LRP1B: variants seen among roughly 807,000 people sequenced by gnomAD.
LRP1B encodes the protein LDL receptor related protein 1B.
Under a neutral mutation model 556.6 loss-of-function variants are expected in LRP1B, and 217 were observed. That is an observed-to-expected ratio of 0.39 (90% CI 0.35 to 0.44). The LOEUF is 0.44. Among genes scored for constraint, LRP1B ranks in the 20% least tolerant of loss-of-function variants. The pLI is 1.00. For synonymous variants in LRP1B, 2,047 were observed against 1,865.8 expected (o/e 1.10, Z -2.50); for missense variants, 5,053 against 5,620.8 (o/e 0.90, Z 3.23).
intron 6 of LRP1B, among the ~76,000 whole-genome samples, chr2:141,196,280 A>G (rs1028197712): frequency 6.6e-6 from 1 of 152,088 alleles, no homozygotes; most frequent in South Asian, 2.1e-4. Context: ...TGGCTACGTC[A>G]AGTGCATTTA....
At chr2:140,643,203 G>C (rs957939476) in intron 41 of LRP1B, among the ~76,000 whole-genome samples, 2 of 151,702 alleles carry the variant, frequency 1.3e-5, no homozygotes, top group Admixed American at 1.3e-4. Context: ...TACCCAGGAC[G>C]CCTTTCCTTA....
At chr2:140,705,196 A>C (rs1338682935) in intron 37 of LRP1B, among the ~76,000 whole-genome samples, 1 of 152,098 alleles carries the variant, frequency 6.6e-6, no homozygotes, top group Non-Finnish European at 1.5e-5. Flanking sequence ...TTCCTTAGCT[A>C]TAAGATGCGT....
chr2:140,547,711 C>A (rs528726051), intron 43 of LRP1B, among the ~76,000 whole-genome samples: 1 of 151,970 alleles, frequency 6.6e-6, no homozygotes, highest in Non-Finnish European at 1.5e-5. Context: ...CTGTGGCATA[C>A]TTAGAATGAA....
At chr2:140,950,735 A>G (rs1573914027) in intron 19 of LRP1B, among the ~76,000 whole-genome samples, 2 of 149,422 alleles carry the variant, frequency 1.3e-5, no homozygotes, top group African/African-American at 2.5e-5. Context: ...CAAGCAATCC[A>G]CCCTCCTCGG....
rs1553482842 is a variant in LRP1B at position 141,905,762 on chromosome 2, TAG to T, written c.83-95363_83-95362del. Reference sequence around the variant, plus strand: ...AGGGAGAAAATGGATCTGGTTTGAATAGATGTGTGTGTGTGTGTGTGTGTGTG... The same window carrying T: ...AGGGAGAAAATGGATCTGGTTTGAATATGTGTGTGTGTGTGTGTGTGTGTG... On this transcript the variant is annotated intron_variant, in intron 1 of 90. Transcript: ENST00000389484. Among the ~76,000 whole-genome samples the T allele has an allele frequency of 5.4e-3, 661 of 121,458 alleles. 8 individuals carry two copies. Among genetic ancestry groups the T allele is most frequent in the African/African-American group, 8.9e-3 (310 of 34,892 alleles). 79.7% of individuals were successfully genotyped at this position (121,458 alleles called of 152,430 possible). A position where few individuals can be genotyped will look rare whatever the true frequency, so the allele number is the denominator to read the frequency against.
chr2:140,918,882 T>C lies in LRP1B; in HGVS notation c.3319+4083A>G, dbSNP rs186379718. ...TAGAACTGTGAGAAATAAATGTTTG[T>C]TGTTTAAACAACCCAGTTTATGATA... On this transcript the variant is annotated intron_variant, in intron 21 of 90. Coordinates refer to ENST00000389484, the MANE Select transcript of LRP1B (RefSeq NM_018557.3). Among the ~76,000 whole-genome samples the C allele has an allele frequency of 3.6e-3, 544 of 152,156 alleles. 2 individuals are homozygous for C. Among genetic ancestry groups the C allele is most frequent in the South Asian group, 0.02 (97 of 4,820 alleles).
In LRP1B at chr2:142,054,526, A is replaced by G. The variant is rs34582370; in HGVS notation, c.82+76122T>C. Among the ~76,000 whole-genome samples, 724 of 152,138 alleles carry G rather than the reference A, an allele frequency of 4.8e-3. 9 individuals carry two copies. Among genetic ancestry groups the G allele is most frequent in the Non-Finnish European group, 9.2e-3 (625 of 67,968 alleles). ...CTGCATTTCGTACTCCACAAGGTCTATCTCATTAGTTACTTTTTCTCATAC... is the reference window on the plus strand; with the variant it reads ...CTGCATTTCGTACTCCACAAGGTCTGTCTCATTAGTTACTTTTTCTCATAC... On this transcript the variant is annotated intron_variant, in intron 1 of 90. Coordinates refer to ENST00000389484, the MANE Select transcript of LRP1B (RefSeq NM_018557.3).
chr2:140,307,689 C>G (rs545030562), intron 83 of LRP1B, among the ~76,000 whole-genome samples: 2 of 151,782 alleles, frequency 1.3e-5, no homozygotes, highest in South Asian at 4.2e-4. Flanking sequence ...GTAAATGGAC[C>G]TATTTAACTG....
At chr2:140,337,050 C>A (rs2105089572) in intron 77 of LRP1B, among the ~76,000 whole-genome samples, 1 of 151,832 alleles carries the variant, frequency 6.6e-6, no homozygotes, top group Non-Finnish European at 1.5e-5. Flanking sequence ...TTCGGAGGAA[C>A]CAATATTATC....
At chr2:141,373,921 C>T (rs974502865) in intron 3 of LRP1B, among the ~76,000 whole-genome samples, 1 of 151,098 alleles carries the variant, frequency 6.6e-6, no homozygotes, top group Admixed American at 6.6e-5. Context: ...ATTTTTCTTC[C>T]TCTTTTGTGA....
At chr2:141,268,029 A>G (rs1684954511) in intron 3 of LRP1B, among the ~76,000 whole-genome samples, 1 of 152,196 alleles carries the variant, frequency 6.6e-6, no homozygotes, top group African/African-American at 2.4e-5. Flanking sequence ...CATGGGACAC[A>G]TAAATCCCCA....
chr2:140,317,756 T>A (rs1684589737), intron 82 of LRP1B, among the ~76,000 whole-genome samples: 4 of 152,160 alleles, frequency 2.6e-5, no homozygotes, highest in East Asian at 1.9e-4. Context: ...GGGTACTCAT[T>A]TTTACCTGTC....
chr2:141,788,613 T>G (rs867278163), intron 2 of LRP1B, among the ~76,000 whole-genome samples: 1 of 152,052 alleles, frequency 6.6e-6, no homozygotes, highest in Non-Finnish European at 1.5e-5. Context: ...ACATGTGCCA[T>G]GTTGGTGTGC....
At chr2:140,383,487 G>C (rs1460199810) in intron 67 of LRP1B, among the ~76,000 whole-genome samples, 1 of 151,988 alleles carries the variant, frequency 6.6e-6, no homozygotes, top group Non-Finnish European at 1.5e-5. Flanking sequence ...ATTTCTGCCT[G>C]TGTAGAACGA....
intron 86 of LRP1B, among the ~76,000 whole-genome samples, chr2:140,259,782 A>G (rs1465045472): frequency 1.3e-5 from 2 of 152,030 alleles, no homozygotes; most frequent in Non-Finnish European, 2.9e-5. Flanking sequence ...CCATGGGAAT[A>G]GAACAGGCAG....
At chr2:140,926,248 A>C (rs1373408642) in intron 20 of LRP1B, among the ~76,000 whole-genome samples, 1 of 152,008 alleles carries the variant, frequency 6.6e-6, no homozygotes, top group African/African-American at 2.4e-5. Context: ...ATGCACATAC[A>C]CATCATTAAT....
At chr2:141,721,891 C>A (rs941075050) in intron 2 of LRP1B, among the ~76,000 whole-genome samples, 2 of 152,122 alleles carry the variant, frequency 1.3e-5, no homozygotes, top group Non-Finnish European at 2.9e-5. Flanking sequence ...CAAACCAGAC[C>A]TTTTATTCCC....
intron 2 of LRP1B, among the ~76,000 whole-genome samples, chr2:141,704,293 T>A (rs931400356): frequency 2.0e-5 from 3 of 151,986 alleles, no homozygotes; most frequent in African/African-American, 7.2e-5. Flanking sequence ...CAAAATGGTA[T>A]CAGTTAAAAT....
chr2:141,789,472 T>C (rs546555098), intron 2 of LRP1B, among the ~76,000 whole-genome samples: 1 of 151,988 alleles, frequency 6.6e-6, no homozygotes, highest in African/African-American at 2.4e-5. Flanking sequence ...ATTAACAACA[T>C]GTAAGCTTGT....
Sources: allele counts gnomAD v4.1 joint callset (sites outside exome capture counted in the v4.1 genomes callset), GRCh38; gene constraint gnomAD v4.1.1; transcripts MANE v1.5; gene names NCBI Gene and HGNC (gene_info 2026-07-23, HGNC 2026-07-21).